Variants in ZNF304 observed in about 807,000 individuals in gnomAD.
ZNF304 encodes zinc finger protein 304.
ZNF304 carries 7 observed loss-of-function variants against 7.8 expected under a neutral mutation model. The ratio of observed to expected loss-of-function variants is 0.90; its 90% confidence interval spans 0.51 to 1.69. The LOEUF (loss-of-function observed/expected upper bound fraction) is 1.69. Ranked by LOEUF, ZNF304 falls within the 40% of genes most tolerant of loss-of-function variation. ZNF304 has a pLI of 0.00. For synonymous variants in ZNF304, 280 were observed against 272.4 expected (o/e 1.03, Z -0.27); for missense variants, 669 against 804.8 (o/e 0.83, Z 2.04).
rs1475993432 is a variant in ZNF304 at position 57,351,375 on chromosome 19, A to G, written c.-290A>G. 3.7e-5 allele frequency: 18 copies of G among 481,090 alleles called. No individual in the cohort carries two copies. In the South Asian group the frequency reaches 5.0e-4, roughly 13 times the overall value. 29.8% of individuals were successfully genotyped at this position (481,090 alleles called of 1,614,324 possible). ...CTCGTGGAACCTAGCAAAGAAAGAC[A>G]GTGAAGACTGCAGGACCTTCCTTCG... On this transcript the variant is annotated 5_prime_UTR_variant, in exon 1 of 3. Transcript: ENST00000282286. This position sits in a 1 kb window ranked among gnomAD's most constrained non-coding sequence, Gnocchi z 4.1.
At chr19:57,355,967 T>C in intron 2 of ZNF304, 63 bp from the exon 3 acceptor site, 2 of 1,542,692 alleles carry the variant, frequency 1.3e-6, no homozygotes, top group Non-Finnish European at 1.8e-6. Context: ...CACACATTTG[T>C]GATGGGGCTG....
rs763050796 is a variant in ZNF304, at chr19:57,357,424, A to G, written c.1555A>G (p.Ile519Val). ...GKFFSHSSNLIVHQRIHTGAK... is the reference protein window; with the variant it reads ...GKFFSHSSNLVVHQRIHTGAK... ...ATTCTTCAGCCATAGCTCCAACCTT[A>G]TTGTACACCAGAGAATTCACACTGG... The change falls in exon 3 of 3, where the codon ATT (isoleucine) becomes GTT (valine). Residue 519 changes from isoleucine (I) to valine (V), a missense_variant. Transcript: ENST00000282286. 1.2e-6 allele frequency: 2 copies of G among 1,613,822 alleles called. No individual in the cohort carries two copies. The highest frequency in any genetic ancestry group is 1.7e-6 in the Non-Finnish European group (2 of 1,179,950).
At chr19:57,352,342 AGT>A (rs775353821) in intron 1 of ZNF304, among the ~76,000 whole-genome samples, 3 of 152,204 alleles carry the variant, frequency 2.0e-5, no homozygotes, top group Non-Finnish European at 4.4e-5. Flanking sequence ...TTTCTAGTTT[AGT>A]GTCCTGAATC....
rs1389580596 is a variant in ZNF304, at chr19:57,351,762, A to G, written c.33+65A>G. The G allele has an allele frequency of 2.6e-6, 4 of 1,537,628 alleles. 1 individual carries two copies. Among genetic ancestry groups the G allele is most frequent in the East Asian group, 4.7e-5 (2 of 42,968 alleles). On this transcript the variant is annotated intron_variant, in intron 1 of 2. Coordinates refer to ENST00000282286, the MANE Select transcript of ZNF304 (RefSeq NM_020657.4). The surrounding 1 kb of genome is among the most constrained non-coding windows in gnomAD (Gnocchi z 4.1). Reference sequence around the variant, plus strand: ...GGTGTGTCCTGGGATGTTCGCTCTCATCGCGCACTTCAGGGTGCTCACTCC... The same window carrying G: ...GGTGTGTCCTGGGATGTTCGCTCTCGTCGCGCACTTCAGGGTGCTCACTCC...
chr19:57,357,341 T>G lies in ZNF304; in HGVS notation c.1472T>G (p.Val491Gly). 1 of 1,614,014 alleles carries G rather than the reference T, an allele frequency of 6.2e-7. No individual in the cohort carries two copies. Among genetic ancestry groups the G allele is most frequent in the Non-Finnish European group, 8.5e-7 (1 of 1,179,994 alleles). The stretch of plus-strand genomic sequence containing the variant: ...GCCTTCAGCCGTAAAGACACACTTG[T>G]GCAACACCAAAAAATCCACACTGGA... ...GKAFSRKDTLVQHQKIHTGER... is the reference protein window; with the variant it reads ...GKAFSRKDTLGQHQKIHTGER... Residue 491 changes from valine to glycine, a missense_variant, in exon 3 of 3, where the codon GTG (valine) becomes GGG (glycine). Physicochemically the swap from Val to Gly is moderately radical, Grantham distance 109. Coordinates refer to ENST00000282286, the MANE Select transcript of ZNF304 (RefSeq NM_020657.4).
chr19:57,356,445 G>C lies in ZNF304; in HGVS notation c.576G>C (p.Val192=). The C allele has an allele frequency of 6.2e-7, 1 of 1,614,172 alleles. No individual in the cohort carries two copies. Residue 192 remains valine (V), a synonymous_variant, in exon 3 of 3, where the codon GTG becomes GTC. Coordinates refer to ENST00000282286, the MANE Select transcript of ZNF304 (RefSeq NM_020657.4). ...LFQHQTTYNR[V]SPCRRTECME... ...AGCACCAGACCACTTACAATAGGGTGAGTCCATGCAGAAGGACTGAATGCA... is the reference window on the plus strand; with the variant it reads ...AGCACCAGACCACTTACAATAGGGTCAGTCCATGCAGAAGGACTGAATGCA...
chr19:57,357,216 C>T lies in ZNF304; in HGVS notation c.1347C>T (p.Cys449=), dbSNP rs2088356201. 3 of 1,613,992 alleles carry T rather than the reference C, an allele frequency of 1.9e-6. No homozygotes were observed. The highest frequency in any genetic ancestry group is 3.3e-5 in the Admixed American group (2 of 59,986). Reference sequence around the variant, plus strand: ...ACACAGGAGCAAGATCCTACGTGTGCAGCAAATGTGGGAAGGCCTTTGGCT... The same window carrying T: ...ACACAGGAGCAAGATCCTACGTGTGTAGCAAATGTGGGAAGGCCTTTGGCT... The part of the protein sequence containing the change: ...RVHTGARSYV[C]SKCGKAFGCK... Residue 449 remains cysteine, a synonymous_variant, in exon 3 of 3, where the codon TGC becomes TGT. Transcript: ENST00000282286.
At position 57,356,252 on chromosome 19, in the gene ZNF304, T is replaced by C. The variant is rs1296022226; in HGVS notation, c.383T>C (p.Phe128Ser). The change falls in exon 3 of 3, where the codon TTC becomes TCC. Residue 128 changes from phenylalanine (F) to serine (S), a missense_variant. Coordinates refer to ENST00000282286, the MANE Select transcript of ZNF304 (RefSeq NM_020657.4). ...TRGLCRRRFSFSANFYQHQKQ... is the reference protein window; with the variant it reads ...TRGLCRRRFSSSANFYQHQKQ... ...GGGCTGTGTAGGAGAAGATTCTCGT[T>C]CAGTGCAAACTTTTACCAGCACCAG... is the stretch of plus-strand genomic sequence containing the variant. 1.9e-6 allele frequency: 3 copies of C among 1,614,200 alleles called. No individual in the cohort carries two copies. The Admixed American group carries it at 5.0e-5, about 27-fold the overall frequency.
chr19:57,359,453 G>A lies in ZNF304; in HGVS notation c.*1604G>A, dbSNP rs1161831529. The A allele has an allele frequency of 6.6e-6, 1 of 152,190 alleles. No homozygotes were observed. Among genetic ancestry groups the A allele is most frequent in the African/African-American group, 2.4e-5 (1 of 41,450 alleles). The allele number at this position is 152,190 out of a possible 1,614,324, so 9.4% of individuals were successfully genotyped here. ...ACATTTATTTAATAGCTTTATGGAG[G>A]TATGATTAACATGCAATAAACTGCA... On this transcript the variant is annotated 3_prime_UTR_variant, in exon 3 of 3. Coordinates refer to ENST00000282286, the MANE Select transcript of ZNF304 (RefSeq NM_020657.4).
rs1204652258 is a variant in ZNF304 at position 57,351,415 on chromosome 19, T to A, written c.-250T>A. 1.2e-5 allele frequency: 7 copies of A among 575,442 alleles called. No individual in the cohort carries two copies. Among genetic ancestry groups the A allele is most frequent in the Middle Eastern group, 4.4e-4 (1 of 2,284 alleles). The allele number at this position is 575,442 out of a possible 1,614,324, so 35.6% of individuals were successfully genotyped here. On this transcript the variant is annotated 5_prime_UTR_variant, in exon 1 of 3. Transcript: ENST00000282286. This position sits in a 1 kb window ranked among gnomAD's most constrained non-coding sequence, Gnocchi z 4.1. ...ACCTTCCTTCGCGCTTTTGTTACAA[T>A]CCATGACCCCTGTCGTGGGACGGGC...
At position 57,356,265 on chromosome 19, in the gene ZNF304, T is replaced by G. The variant is rs1568518931; in HGVS notation, c.396T>G (p.Phe132Leu). Residue 132 changes from phenylalanine to leucine, a missense_variant, in exon 3 of 3, where the codon TTT (phenylalanine) becomes TTG (leucine). Coordinates refer to ENST00000282286, the MANE Select transcript of ZNF304 (RefSeq NM_020657.4). The stretch of plus-strand genomic sequence containing the variant: ...GAAGATTCTCGTTCAGTGCAAACTT[T>G]TACCAGCACCAGAAGCAACATAATG... ...CRRRFSFSANFYQHQKQHNGE... is the reference protein window; with the variant it reads ...CRRRFSFSANLYQHQKQHNGE... The G allele has an allele frequency of 8.1e-6, 13 of 1,614,232 alleles. No individual in the cohort carries two copies. The highest frequency in any genetic ancestry group is 1.1e-5 in the Non-Finnish European group (13 of 1,180,046).
Position 57,353,854 on chromosome 19 carries a change from A to G in ZNF304, c.160+3A>G, listed in dbSNP as rs751307829. Reference sequence around the variant, plus strand: ...CTTTGCACTTGTGGCTACACTAGGTAAGTCTGTGTTTTAGTTATCTAATGC... The same window carrying G: ...CTTTGCACTTGTGGCTACACTAGGTGAGTCTGTGTTTTAGTTATCTAATGC... On this transcript the variant is annotated splice_donor_region_variant and intron_variant, in intron 2 of 2. Transcript: ENST00000282286. The G allele has an allele frequency of 3.8e-6, 6 of 1,586,004 alleles. No homozygotes were observed. Among genetic ancestry groups the G allele is most frequent in the East Asian group, 4.5e-5 (2 of 44,382 alleles).
At position 57,351,804 on chromosome 19, in the gene ZNF304, G is replaced by C; in HGVS notation, c.33+107G>C. 1 of 1,284,744 alleles carries C rather than the reference G, an allele frequency of 7.8e-7. No individual in the cohort carries two copies. Among genetic ancestry groups the C allele is most frequent in the Non-Finnish European group, 1.1e-6 (1 of 924,976 alleles). 79.6% of individuals were successfully genotyped at this position (1,284,744 alleles called of 1,614,324 possible). A position where few individuals can be genotyped will look rare whatever the true frequency, so the allele number is the denominator to read the frequency against. On this transcript the variant is annotated intron_variant, in intron 1 of 2. Coordinates refer to ENST00000282286, the MANE Select transcript of ZNF304 (RefSeq NM_020657.4). The surrounding 1 kb of genome is among the most constrained non-coding windows in gnomAD (Gnocchi z 4.1). ...GCTCACTCCGTCGCATTATGTGGAGGGGTTCCGCTCCCCTCATCAGTGGCA... is the reference window on the plus strand; with the variant it reads ...GCTCACTCCGTCGCATTATGTGGAGCGGTTCCGCTCCCCTCATCAGTGGCA...
chr19:57,352,775 G>A (rs565883269), intron 1 of ZNF304: 2 of 152,430 alleles, frequency 1.3e-5, no homozygotes, highest in East Asian at 3.9e-4. Flanking sequence ...TTAAAGTAGG[G>A]TGATTGGATT....
At chr19:57,352,758 C>T (rs1417841203) in intron 1 of ZNF304, 1 of 152,326 alleles carries the variant, frequency 6.6e-6, no homozygotes, top group Non-Finnish European at 1.5e-5. Flanking sequence ...GGTAAATTTT[C>T]TGTTTTTTAA....
In ZNF304 at chr19:57,356,819, G is replaced by C. The variant is rs1434955096; in HGVS notation, c.950G>C (p.Ser317Thr). ...YTCSECGKAF[S>T]RKDTLVQHQR... Reference sequence around the variant, plus strand: ...TGCAGTGAATGTGGGAAGGCCTTCAGCCGCAAGGACACACTTGTTCAGCAT... The same window carrying C: ...TGCAGTGAATGTGGGAAGGCCTTCACCCGCAAGGACACACTTGTTCAGCAT... The change falls in exon 3 of 3, where the codon AGC (serine) becomes ACC (threonine). Residue 317 changes from serine (S) to threonine (T), a missense_variant. Physicochemically the swap from Ser to Thr is moderately conservative, Grantham distance 58. Coordinates refer to ENST00000282286, the MANE Select transcript of ZNF304 (RefSeq NM_020657.4). 5.6e-6 allele frequency: 9 copies of C among 1,614,068 alleles called. No individual in the cohort carries two copies. Among genetic ancestry groups the C allele is most frequent in the African/African-American group, 1.3e-5 (1 of 74,922 alleles).
Position 57,358,515 on chromosome 19 carries a change from C to T in ZNF304, c.*666C>T, listed in dbSNP as rs1331705597. On this transcript the variant is annotated 3_prime_UTR_variant, in exon 3 of 3. Coordinates refer to ENST00000282286, the MANE Select transcript of ZNF304 (RefSeq NM_020657.4). ...AGGGCCTATTGTGGCAGTCTTTACT[C>T]TTGGGGATTTTGTTACTGTGTAGAG... 3 of 152,296 alleles carry T rather than the reference C, an allele frequency of 2.0e-5. No homozygotes were observed. Among genetic ancestry groups the T allele is most frequent in the African/African-American group, 7.2e-5 (3 of 41,440 alleles). The allele number at this position is 152,296 out of a possible 1,614,324, so 9.4% of individuals were successfully genotyped here.
Position 57,356,149 on chromosome 19 carries a change from T to C in ZNF304, c.280T>C (p.Cys94Arg), listed in dbSNP as rs45619942. 11,571 of 1,614,264 alleles carry C rather than the reference T, an allele frequency of 7.2e-3. 56 individuals carry two copies. Among genetic ancestry groups the C allele is most frequent in the Non-Finnish European group, 8.3e-3 (9,740 of 1,180,042 alleles). Residue 94 changes from cysteine (C) to arginine (R), a missense_variant, in exon 3 of 3, where the codon TGT becomes CGT. Coordinates refer to ENST00000282286, the MANE Select transcript of ZNF304 (RefSeq NM_020657.4). Reference protein sequence around the residue: ...LFQKAHPCEMCDPLLKDILHL... With the variant: ...LFQKAHPCEMRDPLLKDILHL... ...CCAGAAAGCACACCCATGTGAGATG[T>C]GTGACCCACTCTTGAAAGACATTTT...
At chr19:57,354,786 G>C (rs754186410) in intron 2 of ZNF304, among the ~76,000 whole-genome samples, 38 of 152,112 alleles carry the variant, frequency 2.5e-4, no homozygotes, top group Non-Finnish European at 4.7e-4. Context: ...GTCCTTGGTG[G>C]GGTTTGAGTC....
Sources: gnomAD v4.1 joint callset for allele counts (sites outside exome capture counted in the v4.1 genomes callset) on GRCh38, gnomAD v4.1.1 for gene constraint, Gnocchi (gnomAD v3.1) non-coding constraint, MANE v1.5 for transcripts, NCBI Gene and HGNC (gene_info 2026-07-23, HGNC 2026-07-21) for gene names.